ITIH6: variants seen among roughly 807,000 people sequenced by gnomAD.
ITIH6 encodes the protein inter-alpha-trypsin inhibitor heavy chain H6.
A neutral mutation model predicts 58.2 loss-of-function variants in ITIH6; 60 were observed. That is an observed-to-expected ratio of 1.03 (90% CI 0.84 to 1.28). ITIH6 has a LOEUF of 1.28. Among genes scored for constraint, ITIH6 ranks in the 50% most tolerant of loss-of-function variants. The pLI is 0.00. For synonymous variants in ITIH6, 493 were observed against 417.4 expected, an observed-to-expected ratio of 1.18 and a Z score of -2.21; for missense variants, 1,290 against 1,021.1, an observed-to-expected ratio of 1.26 and a Z score of -3.59.
At chrX:54,777,387 C>A (rs377658139) in intron 5 of ITIH6, among the ~76,000 whole-genome samples, 2 of 112,634 alleles carry the variant, frequency 1.8e-5, no homozygotes, top group Non-Finnish European at 3.8e-5. Flanking sequence ...ACTCACTATC[C>A]CAAAGTGAAG....
At position 54,758,558 on chromosome X, in the gene ITIH6, C is replaced by T; in HGVS notation, c.1516G>A (p.Ala506Thr). Residue 506 changes from alanine (A) to threonine (T), a missense_variant, in exon 8 of 13, where the codon GCA becomes ACA. Transcript: ENST00000218436. The part of the protein sequence containing the change: ...NYFGGSELVV[A>T]GQVQPGKQEL... ...TGTTTGCCTGGCTGCACCTGTCCTG[C>T]CACCACCAGCTCAGAGCCACCAAAG... 2 of 1,210,989 alleles carry T rather than the reference C, an allele frequency of 1.7e-6. No homozygotes were observed. Among genetic ancestry groups the T allele is most frequent in the Non-Finnish European group, 2.2e-6 (2 of 895,180 alleles).
chrX:54,758,282 C>A lies in ITIH6; in HGVS notation c.1792G>T (p.Glu598Ter). The change falls in exon 8 of 13, where the codon GAA (glutamate) becomes TAA (stop). Residue 598 changes from glutamate to a stop codon, truncating the protein, a stop_gained. Coordinates refer to ENST00000218436, the MANE Select transcript of ITIH6 (RefSeq NM_198510.3). LOFTEE classifies it high-confidence loss of function. ...LAAKVLNLSL[E>*]YNFVTPLTSL... ...GTCAGAGGTGTGACAAAGTTGTATTCAAGGGACAGGTTGAGGACTTTGGCA... is the reference window on the plus strand; with the variant it reads ...GTCAGAGGTGTGACAAAGTTGTATTAAAGGGACAGGTTGAGGACTTTGGCA... 1 of 1,211,340 alleles carries A rather than the reference C, an allele frequency of 8.3e-7. No individual in the cohort carries two copies.
In ITIH6 at chrX:54,757,752, G is replaced by A; in HGVS notation, c.2322C>T (p.Asp774=). 1 of 1,211,748 alleles carries A rather than the reference G, an allele frequency of 8.3e-7. No homozygotes were observed. Among genetic ancestry groups the A allele is most frequent in the Non-Finnish European group, 1.1e-6 (1 of 895,504 alleles). Residue 774 remains aspartate, a synonymous_variant, in exon 8 of 13, where the codon GAC becomes GAT. Coordinates refer to ENST00000218436, the MANE Select transcript of ITIH6 (RefSeq NM_198510.3). ...KPGIPASPKA[D]TVKCVTPLHS... ...GCAGTGGAGTAACACATTTCACAGT[G>A]TCAGCTTTGGGCGAGGCTGGGATGC...
At chrX:54,786,482 A>T (rs1180802105) in intron 5 of ITIH6, among the ~76,000 whole-genome samples, 1 of 111,568 alleles carries the variant, frequency 9.0e-6, no homozygotes, top group Non-Finnish European at 1.9e-5. Context: ...CCAGCCTTCT[A>T]TGTGGCTCTT....
intron 6 of ITIH6, among the ~76,000 whole-genome samples, chrX:54,765,489 T>C (rs1363670293): frequency 9.2e-6 from 1 of 108,155 alleles, no homozygotes; most frequent in African/African-American, 3.4e-5. Flanking sequence ...GGCTAGCCAG[T>C]TTTCCCAGCA....
intron 5 of ITIH6, among the ~76,000 whole-genome samples, chrX:54,778,192 A>T (rs189540259): frequency 0.012 from 1,234 of 105,684 alleles, 15 homozygotes; most frequent in African/African-American, 0.041. Flanking sequence ...AATGCACCAG[A>T]GTCTTTTTTT....
In ITIH6 at chrX:54,791,080, G is replaced by A. The variant is rs762043063; in HGVS notation, c.373C>T (p.Arg125Trp). 2.9e-5 allele frequency: 35 copies of A among 1,208,465 alleles called. No homozygotes were observed. In the Admixed American group the frequency reaches 5.7e-4, roughly 20 times the overall value. ...GAGATGCGGAACTTCTCTGATTCCC[G>A]GTCCCTGGGCAGGAAAGGGAGGATG... is the stretch of plus-strand genomic sequence containing the variant. Reference protein sequence around the residue: ...KTAAHVGIRDRESEKFRISTS... With the variant: ...KTAAHVGIRDWESEKFRISTS... The change falls in exon 4 of 13, where the codon CGG becomes TGG. Residue 125 changes from arginine (R) to tryptophan (W), a missense_variant. Coordinates refer to ENST00000218436, the MANE Select transcript of ITIH6 (RefSeq NM_198510.3).
At chrX:54,786,678 G>T (rs1324429799) in intron 5 of ITIH6, among the ~76,000 whole-genome samples, 1 of 111,309 alleles carries the variant, frequency 9.0e-6, no homozygotes, top group African/African-American at 3.3e-5. Context: ...GGTCAGCCTT[G>T]GTTGCCTTCA....
In ITIH6 at chrX:54,758,057, T is replaced by A; in HGVS notation, c.2017A>T (p.Thr673Ser). 5.8e-6 allele frequency: 7 copies of A among 1,210,872 alleles called. No homozygotes were observed. The highest frequency in any genetic ancestry group is 7.8e-6 in the Non-Finnish European group (7 of 894,986). Residue 673 changes from threonine to serine, a missense_variant, in exon 8 of 13, where the codon ACT becomes TCT. Transcript: ENST00000218436. The stretch of plus-strand genomic sequence containing the variant: ...ATCTTCTTGGTAGAGGCAGTAGTAG[T>A]TGAGGATAAGTAGAACTTTGGTTTC... ...PVKPKFYLSS[T>S]TTASTKKMLS... is the part of the protein sequence containing the mutation.
chrX:54,759,191 C>A (rs1447125828), intron 7 of ITIH6, among the ~76,000 whole-genome samples, 193 bp from the exon 8 acceptor site: 1 of 111,059 alleles, frequency 9.0e-6, no homozygotes, highest in Non-Finnish European at 1.9e-5. Flanking sequence ...GCCCACATGT[C>A]CTTGGCTTTT....
At chrX:54,789,067 C>CACAG (rs2147620135) in intron 4 of ITIH6, among the ~76,000 whole-genome samples, 1 of 112,721 alleles carries the variant, frequency 8.9e-6, no homozygotes, top group African/African-American at 3.2e-5. Flanking sequence ...CAGACAGACA[C>CACAG]ACAGACAAGG....
At chrX:54,759,363 G>A (rs1247827309) in intron 7 of ITIH6, among the ~76,000 whole-genome samples, 1 of 111,941 alleles carries the variant, frequency 8.9e-6, no homozygotes, top group South Asian at 3.8e-4. Flanking sequence ...TTGACAGGAG[G>A]CAGTGGGTAG....
chrX:54,795,560 T>C (rs1929426122), intron 2 of ITIH6, among the ~76,000 whole-genome samples: 1 of 111,820 alleles, frequency 8.9e-6, no homozygotes. Flanking sequence ...TCTACCACTC[T>C]TCTACCTCTT....
intron 8 of ITIH6, among the ~76,000 whole-genome samples, chrX:54,755,427 G>A (rs1376401309): frequency 8.9e-6 from 1 of 111,867 alleles, no homozygotes; most frequent in Non-Finnish European, 1.9e-5. Flanking sequence ...AGTAGGGGGT[G>A]GCAGACATGA....
chrX:54,763,296 A>T (rs908380710), intron 6 of ITIH6, among the ~76,000 whole-genome samples: 13 of 111,441 alleles, frequency 1.2e-4, no homozygotes, highest in Middle Eastern at 4.2e-3. Context: ...GCTAAGCACC[A>T]TACTCTTGTT....
In ITIH6 at chrX:54,770,174, G is replaced by A. The variant is rs907997729; in HGVS notation, c.903+3907C>T. Among the ~76,000 whole-genome samples the A allele has an allele frequency of 1.0e-3, 114 of 112,617 alleles. 1 individual carries two copies. The highest frequency in any genetic ancestry group is 2.3e-3 in the African/African-American group (72 of 31,070). On this transcript the variant is annotated intron_variant, in intron 6 of 12. Transcript: ENST00000218436. ...CGTCCCTCACCCCTTTCTTTGACTC[G>A]GAAAGGGAACTCCCTGTCCCCTTGC...
rs144521629 is a variant in ITIH6, at chrX:54,757,087, G to T, written c.2987C>A (p.Ala996Asp). 4.5e-5 allele frequency: 54 copies of T among 1,209,521 alleles called. No individual in the cohort carries two copies. In the African/African-American group the frequency reaches 8.7e-4, roughly 20 times the overall value. ...ILLPSSILPEAISLLLLPEEL... is the reference protein window; with the variant it reads ...ILLPSSILPEDISLLLLPEEL... ...CTCAGGGAGAAGGAGCAGACTGATG[G>T]CCTCAGGGAGGATGCTAGAAGGCAG... Residue 996 changes from alanine (A) to aspartate (D), a missense_variant, in exon 8 of 13, where the codon GCC (alanine) becomes GAC (aspartate). Coordinates refer to ENST00000218436, the MANE Select transcript of ITIH6 (RefSeq NM_198510.3).
chrX:54,764,721 C>A (rs1384975883), intron 6 of ITIH6, among the ~76,000 whole-genome samples: 1 of 90,638 alleles, frequency 1.1e-5, no homozygotes. Context: ...AATAAACATA[C>A]GTGTGCATGT....
In ITIH6 at chrX:54,774,069, G is replaced by A. The variant is rs1929006527; in HGVS notation, c.903+12C>T. ...TACTAGGACTAAGAAAGGTTTCCAGGATCCTTGTTACCTGTTCCATCTTGG... is the reference window on the plus strand; with the variant it reads ...TACTAGGACTAAGAAAGGTTTCCAGAATCCTTGTTACCTGTTCCATCTTGG... On this transcript the variant is annotated intron_variant, in intron 6 of 12. Coordinates refer to ENST00000218436, the MANE Select transcript of ITIH6 (RefSeq NM_198510.3). The A allele has an allele frequency of 9.4e-7, 1 of 1,068,065 alleles. No individual in the cohort carries two copies. Among genetic ancestry groups the A allele is most frequent in the South Asian group, 2.0e-5 (1 of 49,435 alleles). 88.0% of individuals were successfully genotyped at this position (1,068,065 alleles called of 1,213,427 possible). A position where few individuals can be genotyped will look rare whatever the true frequency, so the allele number is the denominator to read the frequency against.
Sources: gnomAD v4.1 joint callset for allele counts (sites outside exome capture counted in the v4.1 genomes callset) on GRCh38, gnomAD v4.1.1 for gene constraint, MANE v1.5 for transcripts, NCBI Gene and HGNC (gene_info 2026-07-23, HGNC 2026-07-21) for gene names.